The following SAMMSON variants were observed in gnomAD, a reference collection of about 807,000 sequenced individuals.
SAMMSON encodes long intergenic non-protein coding RNA 1212.
intron 7 of SAMMSON, among the ~76,000 whole-genome samples, chr3:70,301,530 C>T (rs12330334): frequency 0.013 from 2,017 of 152,118 alleles, 32 homozygotes; most frequent in African/African-American, 0.045. Context: ...ATGTGTCTTG[C>T]AGGAAATGAA....
intron 6 of SAMMSON, among the ~76,000 whole-genome samples, chr3:70,263,985 C>T (rs1010566147): frequency 6.6e-6 from 1 of 152,168 alleles, no homozygotes; most frequent in East Asian, 1.9e-4. Flanking sequence ...GATTCAGGCT[C>T]TCCTACTCTG....
chr3:70,137,030 G>A (rs897253233), intron 4 of SAMMSON, among the ~76,000 whole-genome samples: 9 of 152,044 alleles, frequency 5.9e-5, no homozygotes, highest in Non-Finnish European at 1.3e-4. Context: ...CTGTGATCCA[G>A]GAAACCCATA....
intron 4 of SAMMSON, among the ~76,000 whole-genome samples, chr3:70,240,791 C>T (rs919888766): frequency 9.9e-5 from 15 of 151,994 alleles, no homozygotes; most frequent in South Asian, 4.2e-4. Flanking sequence ...TTTCATACAC[C>T]GGGGCACATC....
At chr3:70,062,425 T>G (rs939677490) in intron 3 of SAMMSON, among the ~76,000 whole-genome samples, 1 of 152,098 alleles carries the variant, frequency 6.6e-6, no homozygotes, top group Admixed American at 6.6e-5. Context: ...AATTTGCTCA[T>G]TTTCTATCCT....
chr3:70,090,812 A>T (rs2067302486), intron 4 of SAMMSON, among the ~76,000 whole-genome samples: 1 of 151,944 alleles, frequency 6.6e-6, no homozygotes, highest in African/African-American at 2.4e-5. Context: ...TGATACCCAC[A>T]CTTAGTAATT....
At chr3:70,141,897 T>A (rs2067529158) in intron 4 of SAMMSON, among the ~76,000 whole-genome samples, 2 of 152,172 alleles carry the variant, frequency 1.3e-5, no homozygotes, top group South Asian at 4.1e-4. Flanking sequence ...CTAGTTCATT[T>A]GTTAATCTAT....
intron 4 of SAMMSON, among the ~76,000 whole-genome samples, chr3:70,187,059 C>T (rs908196483): frequency 6.6e-6 from 1 of 152,186 alleles, no homozygotes; most frequent in African/African-American, 2.4e-5. Context: ...TCTCTAGCTA[C>T]CATGTTTCCT....
chr3:70,403,539 G>A (rs2106764214), intron 2 of SAMMSON, among the ~76,000 whole-genome samples: 1 of 152,274 alleles, frequency 6.6e-6, no homozygotes, highest in East Asian at 1.9e-4. Flanking sequence ...GTCTCAATCT[G>A]CGTTGCGATC....
At chr3:70,332,101 T>C (rs1173449325) in intron 7 of SAMMSON, among the ~76,000 whole-genome samples, 1 of 152,210 alleles carries the variant, frequency 6.6e-6, no homozygotes, top group African/African-American at 2.4e-5. Flanking sequence ...TGCACAAATA[T>C]TCAAAGCAAA....
intron 2 of SAMMSON, among the ~76,000 whole-genome samples, chr3:70,426,740 T>G (rs544510636): frequency 8.8e-4 from 134 of 152,334 alleles, no homozygotes; most frequent in African/African-American, 3.2e-3. Context: ...GAGTTTTTTG[T>G]ATGCTCTGAA....
chr3:70,046,739 T>C (rs1438372129), intron 3 of SAMMSON, among the ~76,000 whole-genome samples: 2 of 152,124 alleles, frequency 1.3e-5, no homozygotes, highest in Non-Finnish European at 2.9e-5. Context: ...AATCATGGTG[T>C]TGGCAGGGCT....
At chr3:70,022,426 C>CAAAAATAAAAAAAA (rs2067019233) in intron 3 of SAMMSON, among the ~76,000 whole-genome samples, 1 of 91,126 alleles carries the variant, frequency 1.1e-5, no homozygotes, top group Non-Finnish European at 2.2e-5. Context: ...AGTATAATAA[C>CAAAAATAAAAAAAA]AAAAAAAAAA....
At chr3:70,394,759 C>T (rs1051923587), downstream of SAMMSON, among the ~76,000 whole-genome samples, 2 of 152,096 alleles carry the variant, frequency 1.3e-5, no homozygotes, top group Non-Finnish European at 2.9e-5. Flanking sequence ...TTTCAGACAT[C>T]GACATCAATC....
intron 4 of SAMMSON, chr3:70,125,537 C>G (rs898764598): frequency 1.3e-5 from 9 of 695,766 alleles, no homozygotes; most frequent in Non-Finnish European, 2.3e-5. Context: ...TTTTCCAAAT[C>G]CTATACTGGA....
chr3:70,262,017 G>A (rs915473022), intron 6 of SAMMSON, among the ~76,000 whole-genome samples: 2 of 152,172 alleles, frequency 1.3e-5, no homozygotes, highest in African/African-American at 2.4e-5. Flanking sequence ...TCTAACCCCA[G>A]ATAGAGGAGA....
At chr3:70,417,142 A>G (rs1701270607) in intron 2 of SAMMSON, among the ~76,000 whole-genome samples, 2 of 152,152 alleles carry the variant, frequency 1.3e-5, no homozygotes, top group South Asian at 4.1e-4. Context: ...GCACAGGAGT[A>G]AAACCCAACA....
At chr3:70,256,360 C>T (rs1701816318) in intron 6 of SAMMSON, among the ~76,000 whole-genome samples, 1 of 152,154 alleles carries the variant, frequency 6.6e-6, no homozygotes, top group Admixed American at 6.5e-5. Flanking sequence ...CTATGATGAT[C>T]TATTATATAA....
chr3:70,286,859 G>C (rs1702170181), intron 6 of SAMMSON, among the ~76,000 whole-genome samples: 1 of 152,052 alleles, frequency 6.6e-6, no homozygotes, highest in Non-Finnish European at 1.5e-5. Flanking sequence ...CTCTCTGTTT[G>C]TCTGTTGTTG....
At chr3:70,009,474 G>A (rs1476651872) in intron 1 of SAMMSON, among the ~76,000 whole-genome samples, 1 of 151,988 alleles carries the variant, frequency 6.6e-6, no homozygotes, top group African/African-American at 2.4e-5. Context: ...CTGTGGGATC[G>A]GTGGTGATAT....
Sources: allele counts gnomAD v4.1 joint callset (sites outside exome capture counted in the v4.1 genomes callset), GRCh38; gene constraint gnomAD v4.1.1; transcripts MANE v1.5; gene names NCBI Gene and HGNC (gene_info 2026-07-23, HGNC 2026-07-21).